Variants in STRN observed in about 807,000 individuals in gnomAD.
STRN encodes the protein protein phosphatase 2 regulatory subunit B'''alpha.
Under a neutral mutation model 96.3 loss-of-function variants are expected in STRN, and 53 were observed. The observed-to-expected ratio is 0.55, with a 90% CI of 0.44 to 0.69. The LOEUF (loss-of-function observed/expected upper bound fraction) is 0.69. STRN is among the 30% of genes least tolerant of loss of function. The probability of loss-of-function intolerance (pLI) is 0.00; values close to 1 mark genes in which losing one functional copy is unlikely to be tolerated. For missense variants in STRN, 987 were observed against 963.9 expected (o/e 1.02, Z -0.32); for synonymous variants, 428 against 355.9 (o/e 1.20, Z -2.28).
rs753957501 is a variant in STRN, at chr2:36,966,505, G to C, written c.-42C>G. On this transcript the variant is annotated 5_prime_UTR_variant, in exon 1 of 18. Transcript: ENST00000263918. ...CGGGGAGCTGCCCCGGCGCCCAGCA[G>C]CGGAGGCAACAGCGGCGGCAAGCAG... The C allele has an allele frequency of 6.0e-6, 8 of 1,324,446 alleles. No homozygotes were observed. In the East Asian group the frequency reaches 1.9e-4, roughly 31 times the overall value. 82.0% of individuals were successfully genotyped at this position (1,324,446 alleles called of 1,614,324 possible).
intron 1 of STRN, among the ~76,000 whole-genome samples, chr2:36,953,189 T>C (rs536260012): frequency 1.3e-5 from 2 of 152,242 alleles, no homozygotes; most frequent in African/African-American, 2.4e-5. Flanking sequence ...AAAATACCTA[T>C]TTCACCCAAC....
intron 5 of STRN, 114 bp from the exon 6 acceptor site, chr2:36,899,772 C>G (rs1669636321): frequency 1.0e-6 from 1 of 967,972 alleles, no homozygotes; most frequent in Non-Finnish European, 1.5e-6. Flanking sequence ...AATCCCAAAT[C>G]ACATTATCTA....
chr2:36,854,126 G>A (rs1312926700), intron 15 of STRN, among the ~76,000 whole-genome samples: 1 of 152,000 alleles, frequency 6.6e-6, no homozygotes, highest in South Asian at 2.1e-4. Flanking sequence ...TTCCACTCAG[G>A]ATGTTCACAA....
intron 11 of STRN, among the ~76,000 whole-genome samples, chr2:36,869,017 C>T (rs1413278361): frequency 6.6e-6 from 1 of 152,046 alleles, no homozygotes; most frequent in African/African-American, 2.4e-5. Context: ...ACTAAAGGGC[C>T]AAGGTGAGCA....
intron 1 of STRN, among the ~76,000 whole-genome samples, chr2:36,944,113 G>A (rs1217697480): frequency 6.6e-6 from 1 of 151,932 alleles, no homozygotes. Flanking sequence ...AGAGTGAAAC[G>A]CTATCTCAAA....
At chr2:36,879,011 C>G (rs1017956477) in intron 9 of STRN, among the ~76,000 whole-genome samples, 2 of 151,730 alleles carry the variant, frequency 1.3e-5, no homozygotes, top group African/African-American at 4.8e-5. Context: ...ATTTGGCCTC[C>G]CAAAGTGCTG....
At chr2:36,905,373 CA>C (rs1669794530) in intron 4 of STRN, among the ~76,000 whole-genome samples, 166 bp downstream of exon 4, 1 of 152,146 alleles carries the variant, frequency 6.6e-6, no homozygotes, top group Admixed American at 6.5e-5. Context: ...TTCTACCACA[CA>C]GAAAAAGTAT....
At chr2:36,943,442 A>G (rs1299670309) in intron 1 of STRN, among the ~76,000 whole-genome samples, 1 of 151,934 alleles carries the variant, frequency 6.6e-6, no homozygotes, top group Non-Finnish European at 1.5e-5. Context: ...AGCTCTTACT[A>G]TGTTACATTG....
At chr2:36,909,761 C>T (rs1272194036) in intron 3 of STRN, among the ~76,000 whole-genome samples, 1 of 152,032 alleles carries the variant, frequency 6.6e-6, no homozygotes, top group South Asian at 2.1e-4. Flanking sequence ...CATTTAGAAC[C>T]AATGATAAAG....
intron 1 of STRN, among the ~76,000 whole-genome samples, chr2:36,928,547 A>G (rs776703239): frequency 1.3e-5 from 2 of 151,652 alleles, no homozygotes; most frequent in Non-Finnish European, 2.9e-5. Context: ...AGCTACTTGG[A>G]AGACTGAGAC....
intron 3 of STRN, among the ~76,000 whole-genome samples, chr2:36,908,757 C>T (rs913639480): frequency 3.9e-5 from 6 of 152,004 alleles, no homozygotes; most frequent in Non-Finnish European, 7.4e-5. Context: ...GCGGATCACT[C>T]AAACCCAGGA....
intron 1 of STRN, among the ~76,000 whole-genome samples, chr2:36,941,962 T>C (rs140113380): frequency 2.0e-5 from 3 of 152,270 alleles, no homozygotes; most frequent in Admixed American, 1.3e-4. Flanking sequence ...CTATTCGAAA[T>C]ACATATTCCC....
At chr2:36,916,341 C>T (rs1201628193) in intron 2 of STRN, among the ~76,000 whole-genome samples, 190 bp from the exon 3 acceptor site, 1 of 151,968 alleles carries the variant, frequency 6.6e-6, no homozygotes, top group Non-Finnish European at 1.5e-5. Flanking sequence ...GTTGTTATAC[C>T]ATCAAGTATC....
At chr2:36,944,823 C>T (rs776463013) in intron 1 of STRN, among the ~76,000 whole-genome samples, 3 of 152,162 alleles carry the variant, frequency 2.0e-5, no homozygotes, top group South Asian at 2.1e-4. Context: ...TAAATTCAGT[C>T]GTAATCAGAG....
intron 1 of STRN, among the ~76,000 whole-genome samples, chr2:36,961,669 G>A (rs1287893530): frequency 6.6e-6 from 1 of 152,080 alleles, no homozygotes; most frequent in African/African-American, 2.4e-5. Flanking sequence ...CTCCAAGTCT[G>A]TTCTGAATCC....
chr2:36,870,810 G>A (rs184169122), intron 10 of STRN, among the ~76,000 whole-genome samples: 2 of 151,954 alleles, frequency 1.3e-5, no homozygotes, highest in African/African-American at 4.8e-5. Flanking sequence ...AGGTTAGAAG[G>A]CACTGTTATC....
At chr2:36,865,321 A>G (rs887064461) in intron 12 of STRN, among the ~76,000 whole-genome samples, 2 of 152,074 alleles carry the variant, frequency 1.3e-5, no homozygotes, top group African/African-American at 4.8e-5. Flanking sequence ...TGGTGGTAAT[A>G]TTACATTTAT....
Position 36,867,970 on chromosome 2 carries a change from T to C in STRN, c.1500-109A>G, listed in dbSNP as rs970569563. 2.2e-5 allele frequency: 16 copies of C among 733,812 alleles called. 1 individual carries two copies. The East Asian group carries it at 4.3e-4, about 20-fold the overall frequency. 45.5% of individuals were successfully genotyped at this position (733,812 alleles called of 1,614,324 possible). ...ATACAAACATTATGGGAATATACCA[T>C]TCTCAACTACACGATACGTAAGAAA... On this transcript the variant is annotated intron_variant, in intron 11 of 17. Transcript: ENST00000263918.
chr2:36,916,084 C>T lies in STRN; in HGVS notation c.406G>A (p.Asp136Asn). 1 of 1,612,812 alleles carries T rather than the reference C, an allele frequency of 6.2e-7. No homozygotes were observed. Among genetic ancestry groups the T allele is most frequent in the South Asian group, 1.1e-5 (1 of 91,000 alleles). ...TCCATTAAAATTAGCTTACCAGAAT[C>T]ATAGCTTGGAGGCTTCATATCTCCC... Reference protein sequence around the residue: ...NQGDMKPPSYDSDEGNETEVQ... With the variant: ...NQGDMKPPSYNSDEGNETEVQ... The change falls in exon 3 of 18, where the codon GAT becomes AAT. Residue 136 changes from aspartate to asparagine, a missense_variant. Coordinates refer to ENST00000263918, the MANE Select transcript of STRN (RefSeq NM_003162.4).
Sources: gnomAD v4.1 joint callset for allele counts (sites outside exome capture counted in the v4.1 genomes callset) on GRCh38, gnomAD v4.1.1 for gene constraint, MANE v1.5 for transcripts, NCBI Gene and HGNC (gene_info 2026-07-23, HGNC 2026-07-21) for gene names.